The following POLE variants were observed in gnomAD, a reference collection of about 807,000 sequenced individuals.
POLE encodes DNA polymerase epsilon catalytic subunit A.
Under a neutral mutation model 279.2 loss-of-function variants are expected in POLE, and 188 were observed. The observed-to-expected ratio is 0.67, with a 90% CI of 0.60 to 0.76. The LOEUF is 0.76. POLE is among the 30% of genes least tolerant of loss of function. The pLI is 0.00. For missense variants in POLE, 2,703 were observed against 3,016.7 expected (o/e 0.90, Z 2.44); for synonymous variants, 1,214 against 1,172.5 (o/e 1.04, Z -0.72).
intron 40 of POLE, 188 bp downstream of exon 40, chr12:132,638,937 G>C: frequency 1.7e-6 from 1 of 600,246 alleles, no homozygotes; most frequent in South Asian, 2.0e-5. Context: ...TTCTCTGCAG[G>C]ATGTGCAGGC....
chr12:132,628,076 G>C (rs985305435), intron 45 of POLE, among the ~76,000 whole-genome samples: 1 of 152,342 alleles, frequency 6.6e-6, no homozygotes, highest in African/African-American at 2.4e-5. Context: ...AGGTGCGGTG[G>C]CTCACGCCTG....
intron 16 of POLE, among the ~76,000 whole-genome samples, chr12:132,670,553 C>T (rs1193678906): frequency 1.3e-5 from 2 of 150,974 alleles, no homozygotes; most frequent in Non-Finnish European, 2.9e-5. Context: ...TGTAGTGGAG[C>T]GATCTCGGCT....
rs774409742 is a variant in POLE, at chr12:132,649,114, TG to T, written c.4006-43del. 16 of 1,592,006 alleles carry T rather than the reference TG, an allele frequency of 1.0e-5. No homozygotes were observed. In the Admixed American group the frequency reaches 2.7e-4, roughly 27 times the overall value. ...ACATACAGCACATCACAGGACACAC[TG>T]GAACCCACAGACGGGGCCACCTTCC... On this transcript the variant is annotated intron_variant, in intron 31 of 48. Transcript: ENST00000320574.
intron 45 of POLE, among the ~76,000 whole-genome samples, chr12:132,629,940 T>C (rs755057484): frequency 5.9e-5 from 9 of 152,192 alleles, no homozygotes; most frequent in South Asian, 2.1e-4. Flanking sequence ...GTAGAGGCCA[T>C]TGCAGGGCTA....
intron 3 of POLE, 26 bp from the exon 4 acceptor site, chr12:132,680,248 G>A (rs1490921714): frequency 6.2e-7 from 1 of 1,606,054 alleles, no homozygotes; most frequent in Non-Finnish European, 8.5e-7. Context: ...AACCCATCCA[G>A]GGGTGATGAG....
rs1397154239 is a variant in POLE at position 132,649,078 on chromosome 12, A to G, written c.4006-6T>C. 1 of 1,610,218 alleles carries G rather than the reference A, an allele frequency of 6.2e-7. No individual in the cohort carries two copies. Among genetic ancestry groups the G allele is most frequent in the Admixed American group, 1.7e-5 (1 of 59,842 alleles). ...GCCTGGCTGGTCTCGCTGATCTGAA[A>G]GGCCACACGGACATACAGCACATCA... On this transcript the variant is annotated splice_region_variant and splice_polypyrimidine_tract_variant and intron_variant, in intron 31 of 48. Transcript: ENST00000320574.
In POLE at chr12:132,664,970, A is replaced by C. The variant is rs1368490075; in HGVS notation, c.2468+332T>G. 4.7e-5 allele frequency among the ~76,000 whole-genome samples: 7 copies of C among 150,174 alleles called. No homozygotes were observed. Among genetic ancestry groups the C allele is most frequent in the Admixed American group, 4.0e-4 (6 of 15,018 alleles). The stretch of plus-strand genomic sequence containing the variant: ...CGGACACGCAGACATGCTGTGAAGC[A>C]ACTGCCCGACACTCTGCAAGTCCCT... On this transcript the variant is annotated intron_variant, in intron 21 of 48. Transcript: ENST00000320574. This position sits in a 1 kb window ranked among gnomAD's most constrained non-coding sequence, Gnocchi z 5.3.
At chr12:132,658,037 T>A in intron 26 of POLE, 67 bp from the exon 27 acceptor site, 1 of 966,966 alleles carries the variant, frequency 1.0e-6, no homozygotes. Flanking sequence ...ATCCTAACTC[T>A]TATCAAATGA....
intron 35 of POLE, 41 bp from the exon 36 acceptor site, chr12:132,643,037 A>G (rs2138544371): frequency 6.4e-7 from 1 of 1,551,752 alleles, no homozygotes; most frequent in Non-Finnish European, 8.7e-7. Context: ...CCTGCGCAGG[A>G]GGAAGTGGGG....
chr12:132,677,787 A>G (rs2043090367), intron 6 of POLE, 68 bp from the exon 7 acceptor site: 1 of 1,481,316 alleles, frequency 6.8e-7, no homozygotes, highest in African/African-American at 1.4e-5. Context: ...CAGAGTTCCA[A>G]CTCAGTAGGA....
chr12:132,652,957 T>C (rs1184449741), intron 29 of POLE, among the ~76,000 whole-genome samples: 1 of 152,246 alleles, frequency 6.6e-6, no homozygotes, highest in East Asian at 1.9e-4. Context: ...GCAGATTCTT[T>C]TTTATTGGAA....
Position 132,668,136 on chromosome 12 carries a change from C to T in POLE, c.2173+220G>A, listed in dbSNP as rs551833596. On this transcript the variant is annotated intron_variant, in intron 19 of 48. Transcript: ENST00000320574. This position sits in a 1 kb window ranked among gnomAD's most constrained non-coding sequence, Gnocchi z 4.0. The stretch of plus-strand genomic sequence containing the variant: ...CCAGGGGTAGGAACAGGCCAAATAC[C>T]CCAAGACCACAGAGCAGCAGTGTCT... Among the ~76,000 whole-genome samples the T allele has an allele frequency of 9.2e-5, 14 of 152,006 alleles. No homozygotes were observed. The South Asian group carries it at 2.7e-3, about 29-fold the overall frequency.
At chr12:132,673,451 G>T in intron 13 of POLE, 124 bp downstream of exon 13, 2 of 1,411,644 alleles carry the variant, frequency 1.4e-6, no homozygotes, top group Non-Finnish European at 2.0e-6. Context: ...GGAGCGGGCT[G>T]GCATACATGC....
chr12:132,681,176 G>A lies in POLE; in HGVS notation c.166C>T (p.Pro56Ser), dbSNP rs2136033888. ...ATGAGCCAGCCTGTCTTCTCACCAG[G>A]CTCCTTCAGCCGCTCAAAACCAAAC... is the stretch of plus-strand genomic sequence containing the variant. The part of the protein sequence containing the change: ...LRFGFERLKE[P>S]GEKTGWLINM... The change falls in exon 2 of 49, where the codon CCT (proline) becomes TCT (serine). Residue 56 changes from proline to serine, a missense_variant. Transcript: ENST00000320574. 4 of 1,614,012 alleles carry A rather than the reference G, an allele frequency of 2.5e-6. No homozygotes were observed. Among genetic ancestry groups the A allele is most frequent in the Non-Finnish European group, 3.4e-6 (4 of 1,180,012 alleles).
chr12:132,628,431 T>A (rs1422649855), intron 45 of POLE, among the ~76,000 whole-genome samples: 1 of 151,988 alleles, frequency 6.6e-6, no homozygotes, highest in Non-Finnish European at 1.5e-5. Flanking sequence ...TCACCTGAGG[T>A]CAGGAGTTTG....
Position 132,639,861 on chromosome 12 carries a change from C to A in POLE, c.5379-563G>T, listed in dbSNP as rs1407692788. Among the ~76,000 whole-genome samples, 1 of 152,154 alleles carries A rather than the reference C, an allele frequency of 6.6e-6. No homozygotes were observed. The highest frequency in any genetic ancestry group is 2.4e-5 in the African/African-American group (1 of 41,432). Reference sequence around the variant, plus strand: ...ACTCGGGAGGCTAAGGCAGGAGAATCGCTTGAACCCGGGAGGTGGAGGTTG... The same window carrying A: ...ACTCGGGAGGCTAAGGCAGGAGAATAGCTTGAACCCGGGAGGTGGAGGTTG... On this transcript the variant is annotated intron_variant, in intron 39 of 48. Transcript: ENST00000320574. The surrounding 1 kb of genome is among the most constrained non-coding windows in gnomAD (Gnocchi z 4.7).
chr12:132,661,168 A>C lies in POLE; in HGVS notation c.2865-4T>G. 3.7e-6 allele frequency: 1 copy of C among 272,200 alleles called. No individual in the cohort carries two copies. Among genetic ancestry groups the C allele is most frequent in the Non-Finnish European group, 6.0e-6 (1 of 166,748 alleles). The allele number at this position is 272,200 out of a possible 1,614,324, so 16.9% of individuals were successfully genotyped here. On this transcript the variant is annotated splice_polypyrimidine_tract_variant and splice_region_variant and intron_variant, in intron 24 of 48. Transcript: ENST00000320574. This position sits in a 1 kb window ranked among gnomAD's most constrained non-coding sequence, Gnocchi z 4.1. ...GTCTTCATTGAACACAGCATACCTG[A>C]AAAAAAAAAAAAAGGCAAGCACAGC... is the stretch of plus-strand genomic sequence containing the variant.
intron 4 of POLE, 43 bp downstream of exon 4, chr12:132,680,135 T>C (rs188524811): frequency 3.1e-6 from 5 of 1,603,986 alleles, no homozygotes; most frequent in Admixed American, 1.7e-5. Context: ...CACCACAGAA[T>C]GACACACAGG....
chr12:132,668,565 G>T lies in POLE; in HGVS notation c.2027-63C>A. 3.8e-6 allele frequency: 6 copies of T among 1,583,330 alleles called. No homozygotes were observed. The highest frequency in any genetic ancestry group is 5.2e-6 in the Non-Finnish European group (6 of 1,158,834). ...CACAGACACACCGGCTTCCCACCAAGTGGAGAAAGGCGGCCGACACTCACC... is the reference window on the plus strand; with the variant it reads ...CACAGACACACCGGCTTCCCACCAATTGGAGAAAGGCGGCCGACACTCACC... On this transcript the variant is annotated intron_variant, in intron 18 of 48. Transcript: ENST00000320574. This position sits in a 1 kb window ranked among gnomAD's most constrained non-coding sequence, Gnocchi z 4.0.
Sources: allele counts gnomAD v4.1 joint callset (sites outside exome capture counted in the v4.1 genomes callset), GRCh38; gene constraint gnomAD v4.1.1; non-coding constraint Gnocchi (gnomAD v3.1); transcripts MANE v1.5; gene names NCBI Gene and HGNC (gene_info 2026-07-23, HGNC 2026-07-21).